Variants in TTC39A observed in about 807,000 individuals in gnomAD.
The protein encoded by TTC39A is tetratricopeptide repeat domain 39A.
Under a neutral mutation model 82.3 loss-of-function variants are expected in TTC39A, and 46 were observed. The observed-to-expected ratio is 0.56, with a 90% CI of 0.44 to 0.71. The LOEUF (loss-of-function observed/expected upper bound fraction) is 0.71, where lower values mean the gene tolerates loss of function less well. TTC39A is among the 30% of genes least tolerant of loss of function. The pLI is 0.00. For missense variants in TTC39A, 543 were observed against 712.9 expected (o/e 0.76, Z 2.71); for synonymous variants, 254 against 275.2 (o/e 0.92, Z 0.76).
chr1:51,302,447 G>T (rs1340783667), intron 10 of TTC39A, 31 bp from the exon 11 acceptor site: 2 of 1,606,706 alleles, frequency 1.2e-6, no homozygotes, highest in Non-Finnish European at 1.7e-6. Flanking sequence ...GTCCGTGTGG[G>T]TCCGTGGGGT....
chr1:51,302,590 G>A lies in TTC39A; in HGVS notation c.764-17C>T. ...TCCCAGTACCTGGAGGAGATGGTGG[G>A]GGAGACACAGAACATGTCACCACCC... On this transcript the variant is annotated splice_polypyrimidine_tract_variant and intron_variant, in intron 9 of 17. Coordinates refer to ENST00000680483, the MANE Select transcript of TTC39A (RefSeq NM_001297663.2). 1 of 1,589,658 alleles carries A rather than the reference G, an allele frequency of 6.3e-7. No homozygotes were observed. The highest frequency in any genetic ancestry group is 2.3e-5 in the East Asian group (1 of 43,686).
At position 51,294,520 on chromosome 1, in the gene TTC39A, G is replaced by A. The variant is rs1053927561; in HGVS notation, c.1146-9C>T. On this transcript the variant is annotated splice_polypyrimidine_tract_variant and intron_variant, in intron 13 of 17. Coordinates refer to ENST00000680483, the MANE Select transcript of TTC39A (RefSeq NM_001297663.2). This position sits in a 1 kb window ranked among gnomAD's most constrained non-coding sequence, Gnocchi z 4.3. ...TCAGGCCTGGCACAGCTCTGCGAAA[G>A]AGATGGGGAGGGTGGGAGAGGATGA... 2 of 1,613,730 alleles carry A rather than the reference G, an allele frequency of 1.2e-6. No homozygotes were observed. Among genetic ancestry groups the A allele is most frequent in the Non-Finnish European group, 1.7e-6 (2 of 1,179,860 alleles).
chr1:51,342,305 T>C (rs1646046852), intron 1 of TTC39A, among the ~76,000 whole-genome samples: 1 of 152,040 alleles, frequency 6.6e-6, no homozygotes, highest in Non-Finnish European at 1.5e-5. Context: ...TCAATGCAAA[T>C]ACCCTGGAAG....
chr1:51,315,560 C>T (rs147100298), intron 2 of TTC39A, among the ~76,000 whole-genome samples: 1 of 152,114 alleles, frequency 6.6e-6, no homozygotes, highest in African/African-American at 2.4e-5. Flanking sequence ...ACTGAAGCTC[C>T]CCCTACTCCA....
At chr1:51,299,195 G>C (rs1032660226) in intron 12 of TTC39A, 5 of 152,334 alleles carry the variant, frequency 3.3e-5, no homozygotes, top group Middle Eastern at 3.4e-3. Flanking sequence ...GCTCTTTCTG[G>C]GGGGGCGACA....
Position 51,305,097 on chromosome 1 carries a change from CCCACAAACT to C in TTC39A, c.629_637del (p.Glu210_Val212del), listed in dbSNP as rs745376650. On this transcript the variant is annotated inframe_deletion, in exon 8 of 18. Coordinates refer to ENST00000680483, the MANE Select transcript of TTC39A (RefSeq NM_001297663.2). Reference sequence around the variant, plus strand: ...GGTGGTTACCTTGTTTCCTGAAAACCCCACAAACTCCAACAGCCTCAGGATCCTAGTAGG... The same window carrying C: ...GGTGGTTACCTTGTTTCCTGAAAACCCCAACAGCCTCAGGATCCTAGTAGG... 1.9e-6 allele frequency: 3 copies of C among 1,613,406 alleles called. No individual in the cohort carries two copies. In the African/African-American group the frequency reaches 4.0e-5, roughly 22 times the overall value.
rs558622704 is a variant in TTC39A at position 51,327,699 on chromosome 1, ATT to A, written c.41+2736_41+2737del. Among the ~76,000 whole-genome samples, 693 of 138,450 alleles carry A rather than the reference ATT, an allele frequency of 5.0e-3. 9 individuals are homozygous for A. The highest frequency in any genetic ancestry group is 0.017 in the African/African-American group (631 of 37,528). 90.8% of individuals were successfully genotyped at this position (138,450 alleles called of 152,430 possible). The stretch of plus-strand genomic sequence containing the variant: ...TTTTTTTCTAAAATTATGTATTGCC[ATT>A]TTTTTTTTTTTTTTTGAGAGAGGCT... On this transcript the variant is annotated intron_variant, in intron 1 of 17. Transcript: ENST00000680483.
At chr1:51,341,577 G>A (rs900977865) in intron 1 of TTC39A, among the ~76,000 whole-genome samples, 1 of 152,108 alleles carries the variant, frequency 6.6e-6, no homozygotes, top group African/African-American at 2.4e-5. Flanking sequence ...TGTCTTTCAA[G>A]TTCTTGTCAC....
upstream of TTC39A, among the ~76,000 whole-genome samples, chr1:51,334,427 C>T (rs189064974): frequency 2.9e-4 from 44 of 152,102 alleles, no homozygotes; most frequent in Admixed American, 7.9e-4. Context: ...CGCTTGAACC[C>T]GGGAGGCGGA....
intron 5 of TTC39A, among the ~76,000 whole-genome samples, chr1:51,309,608 T>C (rs960955430): frequency 6.6e-6 from 1 of 152,208 alleles, no homozygotes; most frequent in Non-Finnish European, 1.5e-5. Flanking sequence ...GTGGAGGGAC[T>C]GCGAGAAAGG....
chr1:51,298,943 C>T (rs1240977494), intron 12 of TTC39A: 1 of 152,288 alleles, frequency 6.6e-6, no homozygotes, highest in African/African-American at 2.4e-5. Flanking sequence ...GCTGCCAGCA[C>T]TGGGGGAAAC....
chr1:51,330,287 C>T lies in TTC39A; in HGVS notation c.41+150G>A, dbSNP rs1242437716. ...CTGCCCCCACTCCTGGCAGCGGCGGCGGCTGCCAGGGGCCGGGCGGGGTGG... is the reference window on the plus strand; with the variant it reads ...CTGCCCCCACTCCTGGCAGCGGCGGTGGCTGCCAGGGGCCGGGCGGGGTGG... On this transcript the variant is annotated intron_variant, in intron 1 of 17. Transcript: ENST00000680483. The surrounding 1 kb of genome is among the most constrained non-coding windows in gnomAD (Gnocchi z 4.5). The T allele has an allele frequency of 9.5e-6, 9 of 949,428 alleles. No individual in the cohort carries two copies. Among genetic ancestry groups the T allele is most frequent in the Middle Eastern group, 5.3e-4 (1 of 1,876 alleles). The allele number at this position is 949,428 out of a possible 1,614,324, so 58.8% of individuals were successfully genotyped here.
chr1:51,304,352 A>G (rs1439965402), intron 8 of TTC39A, among the ~76,000 whole-genome samples: 1 of 152,196 alleles, frequency 6.6e-6, no homozygotes, highest in African/African-American at 2.4e-5. Context: ...GGGTGTGGCA[A>G]ATATCAGTAA....
chr1:51,312,903 T>C lies in TTC39A; in HGVS notation c.187A>G (p.Ile63Val), dbSNP rs1242736669. The C allele has an allele frequency of 5.6e-6, 9 of 1,613,796 alleles. No homozygotes were observed. The East Asian group carries it at 2.0e-4, about 36-fold the overall frequency. Residue 63 changes from isoleucine to valine, a missense_variant, in exon 3 of 18, where the codon ATC becomes GTC. Ile to Val is a conservative substitution (Grantham distance 29). Transcript: ENST00000680483. ...GTCATCATGGCCTGCATCTCCAGGATGGTGGCATATGTCAGTGAGTGGTAC... is the reference window on the plus strand; with the variant it reads ...GTCATCATGGCCTGCATCTCCAGGACGGTGGCATATGTCAGTGAGTGGTAC... ...SMYHSLTYAT[I>V]LEMQAMMTFD...
chr1:51,296,732 C>T (rs898226319), intron 12 of TTC39A: 3 of 164,090 alleles, frequency 1.8e-5, no homozygotes, highest in African/African-American at 7.2e-5. Flanking sequence ...CCAGGCACAC[C>T]ACATCCAGCA....
In TTC39A at chr1:51,330,284, C is replaced by T; in HGVS notation, c.41+153G>A. On this transcript the variant is annotated intron_variant, in intron 1 of 17. Transcript: ENST00000680483. The surrounding 1 kb of genome is among the most constrained non-coding windows in gnomAD (Gnocchi z 4.5). Reference sequence around the variant, plus strand: ...CCCCTGCCCCCACTCCTGGCAGCGGCGGCGGCTGCCAGGGGCCGGGCGGGG... The same window carrying T: ...CCCCTGCCCCCACTCCTGGCAGCGGTGGCGGCTGCCAGGGGCCGGGCGGGG... 2 of 952,044 alleles carry T rather than the reference C, an allele frequency of 2.1e-6. No individual in the cohort carries two copies. Among genetic ancestry groups the T allele is most frequent in the Non-Finnish European group, 2.5e-6 (2 of 800,082 alleles). 59.0% of individuals were successfully genotyped at this position (952,044 alleles called of 1,614,324 possible).
chr1:51,306,856 C>A (rs1192108807), intron 6 of TTC39A, among the ~76,000 whole-genome samples: 38 of 104,892 alleles, frequency 3.6e-4, no homozygotes, highest in African/African-American at 1.1e-3. Context: ...GGGACAGACC[C>A]CCCCCCCCCG....
chr1:51,301,899 C>T, intron 11 of TTC39A, 166 bp from the exon 12 acceptor site: 1 of 912,684 alleles, frequency 1.1e-6, no homozygotes, highest in Non-Finnish European at 1.6e-6. Flanking sequence ...ATCTGGCCTC[C>T]AGTCCTGGTT....
Position 51,330,277 on chromosome 1 carries a change from G to T in TTC39A, c.41+160C>A. ...TCACAGCCCCCTGCCCCCACTCCTG[G>T]CAGCGGCGGCGGCTGCCAGGGGCCG... is the stretch of plus-strand genomic sequence containing the variant. On this transcript the variant is annotated intron_variant, in intron 1 of 17. Transcript: ENST00000680483. The surrounding 1 kb of genome is among the most constrained non-coding windows in gnomAD (Gnocchi z 4.5). 1.0e-6 allele frequency: 1 copy of T among 957,100 alleles called. No individual in the cohort carries two copies. Among genetic ancestry groups the T allele is most frequent in the Non-Finnish European group, 1.2e-6 (1 of 804,524 alleles). The allele number at this position is 957,100 out of a possible 1,614,324, so 59.3% of individuals were successfully genotyped here. A position where few individuals can be genotyped will look rare whatever the true frequency, so the allele number is the denominator to read the frequency against.
Sources: allele counts gnomAD v4.1 joint callset (sites outside exome capture counted in the v4.1 genomes callset), GRCh38; gene constraint gnomAD v4.1.1; non-coding constraint Gnocchi (gnomAD v3.1); transcripts MANE v1.5; gene names NCBI Gene and HGNC (gene_info 2026-07-23, HGNC 2026-07-21).